Variants in NCOR2 observed in about 807,000 individuals in gnomAD.
NCOR2 encodes CTG repeat protein 26.
In NCOR2, 81 loss-of-function variants were observed where a neutral mutation model predicts 262.9. That is an observed-to-expected ratio of 0.31 (90% CI 0.26 to 0.37). The LOEUF is 0.37. NCOR2 is among the 10% of genes least tolerant of loss of function. The pLI is 1.00. For synonymous variants in NCOR2, 1,659 were observed against 1,559.3 expected (o/e 1.06, Z -1.51); for missense variants, 3,385 against 3,621.4 (o/e 0.93, Z 1.68).
chr12:124,341,993 T>A, exon 34 of NCOR2: 1 of 1,613,254 alleles, frequency 6.2e-7, no homozygotes, highest in Non-Finnish European at 8.5e-7. Context: ...CGTGTCGGGG[T>A]AGCCGCGGAT....
At chr12:124,327,482 G>A (rs555799093) in exon 45 of NCOR2, 1 of 1,613,606 alleles carries the variant, frequency 6.2e-7, no homozygotes, top group South Asian at 1.1e-5. Flanking sequence ...GGCTGGCACT[G>A]GCATTCAGAG....
rs1025351710 is a variant in NCOR2, at chr12:124,523,063, C to T, written c.-118+12502G>A. ...CCCAGACCAAAATGCATCCTATTTC[C>T]CCATCCAGGCCCGGGATTCTTCTCC... On this transcript the variant is annotated intron_variant, in intron 1 of 46. Transcript: ENST00000404621. This position sits in a 1 kb window ranked among gnomAD's most constrained non-coding sequence, Gnocchi z 4.0. 2.0e-4 allele frequency among the ~76,000 whole-genome samples: 31 copies of T among 152,346 alleles called. No individual in the cohort carries two copies. The highest frequency in any genetic ancestry group is 7.2e-4 in the African/African-American group (30 of 41,590).
chr12:124,446,924 A>G (rs1200283243), intron 7 of NCOR2, among the ~76,000 whole-genome samples: 1 of 152,162 alleles, frequency 6.6e-6, no homozygotes, highest in Admixed American at 6.6e-5. Context: ...TATATTACAC[A>G]TATTTTTTGA....
chr12:124,371,659 C>G (rs1275090755), intron 20 of NCOR2, among the ~76,000 whole-genome samples: 1 of 152,208 alleles, frequency 6.6e-6, no homozygotes, highest in Non-Finnish European at 1.5e-5. Flanking sequence ...TGCCCCCAGG[C>G]TCCTGGCCTC....
At chr12:124,422,633 C>T in intron 11 of NCOR2, 78 bp from the exon 14 acceptor site, 1 of 1,559,870 alleles carries the variant, frequency 6.4e-7, no homozygotes, top group Admixed American at 1.7e-5. Context: ...CTCCCAGGCG[C>T]CTGCCATCCC....
intron 21 of NCOR2, among the ~76,000 whole-genome samples, chr12:124,363,078 G>A (rs1239045034): frequency 6.6e-6 from 1 of 152,284 alleles, no homozygotes; most frequent in Non-Finnish European, 1.5e-5. Context: ...CTGGGTCTCA[G>A]GGAAGCCAGG....
chr12:124,477,878 T>C (rs1338631059), intron 3 of NCOR2, among the ~76,000 whole-genome samples: 2 of 152,150 alleles, frequency 1.3e-5, no homozygotes, highest in African/African-American at 4.8e-5. Context: ...AACTTCAAGC[T>C]AGCGTGAAAG....
At chr12:124,497,360 C>T (rs577844005), upstream of NCOR2, among the ~76,000 whole-genome samples, 4 of 152,344 alleles carry the variant, frequency 2.6e-5, no homozygotes, top group East Asian at 5.8e-4. This position sits in a 1 kb window ranked among gnomAD's most constrained non-coding sequence, Gnocchi z 4.2. Context: ...GCTCCACCAT[C>T]GCTAAGCTGC....
chr12:124,334,367 G>A, intron 41 of NCOR2, 57 bp downstream of exon 43: 1 of 1,301,490 alleles, frequency 7.7e-7, no homozygotes, highest in Non-Finnish European at 1.1e-6. Context: ...GAGGCAGGCA[G>A]CTGACGAAGG....
rs143798047 is a variant in NCOR2, at chr12:124,359,074, G to C, written c.3101-2292C>G. Among the ~76,000 whole-genome samples the C allele has an allele frequency of 8.6e-3, 1,316 of 152,342 alleles. 17 individuals carry two copies. Among genetic ancestry groups the C allele is most frequent in the African/African-American group, 0.03 (1,232 of 41,576 alleles). On this transcript the variant is annotated intron_variant, in intron 22 of 46. Transcript: ENST00000405201. The stretch of plus-strand genomic sequence containing the variant: ...ATGGGTCCTAGATTTCAGGCCTGGG[G>C]AGATCCTGTAAACTCAGCGGGGCCC...
At chr12:124,532,982 CT>C in intron 1 of NCOR2, among the ~76,000 whole-genome samples, 1 of 106,742 alleles carries the variant, frequency 9.4e-6, no homozygotes, top group Non-Finnish European at 2.1e-5. Context: ...CCAAATCCCA[CT>C]CCTCTTTCCC....
chr12:124,473,279 G>T lies in NCOR2; in HGVS notation c.412-148C>A, dbSNP rs140631543. 4.8e-4 allele frequency: 478 copies of T among 1,002,276 alleles called. 3 individuals are homozygous for T. The African/African-American group carries it at 6.7e-3, about 14-fold the overall frequency. 62.1% of individuals were successfully genotyped at this position (1,002,276 alleles called of 1,614,324 possible). On this transcript the variant is annotated intron_variant, in intron 3 of 46. Transcript: ENST00000405201. ...TATGTCTGTGAGGGTGTTGCCAAAG[G>T]AGATTAACATTTGAGTCAGTGGGCT... is the stretch of plus-strand genomic sequence containing the variant.
In NCOR2 at chr12:124,326,173, TC is replaced by T; in HGVS notation, c.7363+17del. Reference sequence around the variant, plus strand: ...TGGGGGCTCAGCGAGCCCAGCCCTGTCCCCACCTGGTGCCCACCTGCGGACG... The same window carrying T: ...TGGGGGCTCAGCGAGCCCAGCCCTGTCCCACCTGGTGCCCACCTGCGGACG... On this transcript the variant is annotated intron_variant, in intron 46 of 46. Transcript: ENST00000405201. 1 of 1,504,904 alleles carries T rather than the reference TC, an allele frequency of 6.6e-7. No individual in the cohort carries two copies. 93.2% of individuals were successfully genotyped at this position (1,504,904 alleles called of 1,614,324 possible).
chr12:124,327,330 CAGAGG>C, intron 45 of NCOR2, 74 bp downstream of exon 47: 1 of 1,159,880 alleles, frequency 8.6e-7, no homozygotes, highest in Non-Finnish European at 1.2e-6. Context: ...AGGGGGTTGT[CAGAGG>C]AGCGCGGAGG....
chr12:124,497,931 C>A (rs117202370), upstream of NCOR2, among the ~76,000 whole-genome samples: 25 of 152,346 alleles, frequency 1.6e-4, no homozygotes, highest in East Asian at 3.7e-3. This position sits in a 1 kb window ranked among gnomAD's most constrained non-coding sequence, Gnocchi z 4.2. Flanking sequence ...GAGAGAACAG[C>A]TGTGGCCACC....
intron 17 of NCOR2, among the ~76,000 whole-genome samples, chr12:124,381,651 AGCTCAGATTTGAAT>A (rs1169080960): frequency 6.6e-6 from 1 of 152,234 alleles, no homozygotes; most frequent in Non-Finnish European, 1.5e-5. Flanking sequence ...TGAGTTGAGG[AGCTCAGATTTGAAT>A]GCAGGCCAGC....
At chr12:124,519,778 C>A (rs185931079) in intron 1 of NCOR2, among the ~76,000 whole-genome samples, 2 of 152,202 alleles carry the variant, frequency 1.3e-5, no homozygotes, top group Admixed American at 1.3e-4. Context: ...CTGTGCTAAG[C>A]GGGTCCCCTG....
intron 8 of NCOR2, 150 bp from the exon 11 acceptor site, chr12:124,430,937 C>T: frequency 1.1e-6 from 1 of 871,182 alleles, no homozygotes; most frequent in Non-Finnish European, 1.7e-6. Context: ...CAGATACAGC[C>T]ACACAGACAC....
chr12:124,479,215 C>G (rs886565696), intron 3 of NCOR2, among the ~76,000 whole-genome samples: 3 of 152,238 alleles, frequency 2.0e-5, no homozygotes, highest in Non-Finnish European at 4.4e-5. Context: ...TGCCTGCGCA[C>G]AAACACATGC....
Sources: allele counts gnomAD v4.1 joint callset (sites outside exome capture counted in the v4.1 genomes callset), GRCh38; gene constraint gnomAD v4.1.1; non-coding constraint Gnocchi (gnomAD v3.1); transcripts MANE v1.5; gene names NCBI Gene and HGNC (gene_info 2026-07-23, HGNC 2026-07-21).